The following SLC25A48 variants were observed in gnomAD, a reference collection of about 807,000 sequenced individuals.
SLC25A48 encodes solute carrier family 25 member 48.
A neutral mutation model predicts 32.2 loss-of-function variants in SLC25A48; 29 were observed. The ratio of observed to expected loss-of-function variants is 0.90; its 90% CI spans 0.67 to 1.23. SLC25A48 has a LOEUF of 1.23. SLC25A48 is among the 50% of genes most tolerant of loss of function. The probability of loss-of-function intolerance (pLI) is 0.00; values close to 1 mark genes in which losing one functional copy is unlikely to be tolerated. For missense variants in SLC25A48, 399 were observed against 422.7 expected (o/e 0.94, Z 0.49); for synonymous variants, 164 against 172.3 (o/e 0.95, Z 0.38).
intron 3 of SLC25A48, among the ~76,000 whole-genome samples, chr5:135,799,472 G>A (rs1245393934): frequency 6.6e-6 from 1 of 151,360 alleles, no homozygotes; most frequent in Non-Finnish European, 1.5e-5. Context: ...AAGTGTATAC[G>A]TTCTCGGTGA....
intron 3 of SLC25A48, among the ~76,000 whole-genome samples, chr5:135,718,083 C>T (rs1176531452): frequency 1.3e-5 from 2 of 152,098 alleles, no homozygotes; most frequent in Non-Finnish European, 1.5e-5. Context: ...TCTCGGTTCA[C>T]TGCAACCTCT....
intron 3 of SLC25A48, among the ~76,000 whole-genome samples, chr5:135,679,661 T>G (rs1444236894): frequency 1.3e-5 from 2 of 152,196 alleles, no homozygotes; most frequent in Non-Finnish European, 2.9e-5. Context: ...GCCAATGGCT[T>G]GTGCTTCAGC....
chr5:135,831,623 G>A (rs563544006), upstream of SLC25A48, among the ~76,000 whole-genome samples: 3 of 152,326 alleles, frequency 2.0e-5, no homozygotes, highest in South Asian at 6.2e-4. Flanking sequence ...AGGGGAGGAG[G>A]GAGAGGGTGT....
chr5:135,673,013 G>A (rs1753690113), intron 3 of SLC25A48, among the ~76,000 whole-genome samples: 1 of 152,058 alleles, frequency 6.6e-6, no homozygotes, highest in African/African-American at 2.4e-5. Context: ...GCTTCTTTCA[G>A]CATAATTATT....
chr5:135,679,634 G>C (rs1753846864), intron 3 of SLC25A48, among the ~76,000 whole-genome samples: 1 of 152,192 alleles, frequency 6.6e-6, no homozygotes. Context: ...TTTGCTGCTG[G>C]GGCCAGTGAG....
At chr5:135,696,492 T>C (rs137906039) in intron 3 of SLC25A48, among the ~76,000 whole-genome samples, 1,892 of 151,572 alleles carry the variant, frequency 0.012, 19 homozygotes, top group Non-Finnish European at 0.02. Context: ...CAGTGAATGC[T>C]GGGTGAGTGA....
intron 3 of SLC25A48, among the ~76,000 whole-genome samples, chr5:135,740,884 G>A (rs548068397): frequency 3.3e-5 from 5 of 152,258 alleles, no homozygotes; most frequent in East Asian, 1.9e-4. Flanking sequence ...GATTACAGGC[G>A]TGAGCCACTG....
rs1343829228 is a variant in SLC25A48 at position 135,728,875 on chromosome 5, CACACACACAT to C, written c.-520-83638_-520-83629del. Among the ~76,000 whole-genome samples, 320 of 150,686 alleles carry C rather than the reference CACACACACAT, an allele frequency of 2.1e-3. 1 individual carries two copies. Among genetic ancestry groups the C allele is most frequent in the African/African-American group, 7.5e-3 (306 of 40,742 alleles). On this transcript the variant is annotated intron_variant, in intron 3 of 10. Coordinates refer to the SLC25A48 transcript ENST00000646290. ...ACACACACACACACACACACACACA[CACACACACAT>C]ACACACACACCCCAAGGCTTGGATA...
At chr5:135,707,938 G>A (rs1225874329) in intron 3 of SLC25A48, among the ~76,000 whole-genome samples, 2 of 152,142 alleles carry the variant, frequency 1.3e-5, no homozygotes, top group Non-Finnish European at 2.9e-5. Flanking sequence ...GTTGAGGGAT[G>A]GATGGATGGA....
At chr5:135,795,450 G>A (rs1033776227) in intron 3 of SLC25A48, among the ~76,000 whole-genome samples, 2 of 151,768 alleles carry the variant, frequency 1.3e-5, no homozygotes, top group Non-Finnish European at 2.9e-5. Flanking sequence ...GGAGAGAGGG[G>A]ATGGTATTAC....
intron 3 of SLC25A48, among the ~76,000 whole-genome samples, chr5:135,749,766 AT>A (rs1293976921): frequency 6.6e-6 from 1 of 151,958 alleles, no homozygotes; most frequent in Admixed American, 6.6e-5. Flanking sequence ...TAATTTTTGT[AT>A]ATTTAGTAGA....
At chr5:135,860,593 C>G (rs916668905) in intron 4 of SLC25A48, among the ~76,000 whole-genome samples, 8 of 152,136 alleles carry the variant, frequency 5.3e-5, no homozygotes, top group African/African-American at 1.7e-4. Context: ...TTGGAATGAT[C>G]ATGTAATTCA....
At chr5:135,691,332 C>T (rs1435921868) in intron 3 of SLC25A48, among the ~76,000 whole-genome samples, 1 of 152,184 alleles carries the variant, frequency 6.6e-6, no homozygotes, top group African/African-American at 2.4e-5. Context: ...TTGCTCAGAG[C>T]TGGGTGATAA....
intron 1 of SLC25A48, among the ~76,000 whole-genome samples, chr5:135,594,188 G>C (rs1031407499): frequency 1.3e-5 from 2 of 152,234 alleles, no homozygotes; most frequent in African/African-American, 4.8e-5. Flanking sequence ...GAGGACCTGA[G>C]TATAAAAATC....
At chr5:135,635,753 T>C (rs1356497591) in intron 3 of SLC25A48, among the ~76,000 whole-genome samples, 6 of 152,220 alleles carry the variant, frequency 3.9e-5, no homozygotes, top group Non-Finnish European at 8.8e-5. Flanking sequence ...GAAGAGATAC[T>C]GACAGCTAGC....
intron 4 of SLC25A48, among the ~76,000 whole-genome samples, chr5:135,863,803 G>A (rs1444716526): frequency 6.6e-6 from 1 of 152,180 alleles, no homozygotes; most frequent in East Asian, 1.9e-4. Flanking sequence ...TGGTGTTACT[G>A]AAGTAGGAGG....
intron 4 of SLC25A48, chr5:135,826,973 A>T (rs1758076126): frequency 6.6e-6 from 1 of 152,250 alleles, no homozygotes; most frequent in South Asian, 2.1e-4. Flanking sequence ...GCAGGTAAGG[A>T]TGGTGACTCT....
chr5:135,872,148 A>G (rs1046956709), intron 5 of SLC25A48: 13 of 462,012 alleles, frequency 2.8e-5, no homozygotes, highest in Non-Finnish European at 4.0e-5. Flanking sequence ...CAGGTCATAC[A>G]GCTGGAGCTG....
intron 3 of SLC25A48, among the ~76,000 whole-genome samples, chr5:135,688,718 C>A (rs565566215): frequency 3.3e-5 from 5 of 152,300 alleles, no homozygotes; most frequent in Non-Finnish European, 5.9e-5. Context: ...CTGGGTTGGG[C>A]ATGAGTTCAT....
Sources: gnomAD v4.1 joint callset for allele counts (sites outside exome capture counted in the v4.1 genomes callset) on GRCh38, gnomAD v4.1.1 for gene constraint, MANE v1.5 for transcripts, NCBI Gene and HGNC (gene_info 2026-07-23, HGNC 2026-07-21) for gene names.